SLC25A3: variants seen among roughly 807,000 people sequenced by gnomAD.
SLC25A3 encodes phosphate transport protein.
Under a neutral mutation model 37.1 loss-of-function variants are expected in SLC25A3, and 14 were observed. That is an observed-to-expected ratio of 0.38 (90% CI 0.25 to 0.59). The LOEUF is 0.59. Ranked by LOEUF, SLC25A3 falls within the 20% of genes least tolerant of loss-of-function variation. The pLI, the probability that SLC25A3 is intolerant of heterozygous loss-of-function variation, is 0.67. For missense variants in SLC25A3, 385 were observed against 458.1 expected (o/e 0.84, Z 1.46); for synonymous variants, 161 against 168.7 (o/e 0.95, Z 0.36).
At position 98,595,866 on chromosome 12, in the gene SLC25A3, A is replaced by C. The variant is rs759149460; in HGVS notation, c.279+18A>C. ...GTATGCAGGTTTGTATTGAGATGAC[A>C]ACATTGAAAGTATCTCTCATGTGAC... On this transcript the variant is annotated intron_variant, in intron 3 of 7. Coordinates refer to ENST00000552981, the MANE Select transcript of SLC25A3 (RefSeq NM_002635.4). 1.2e-6 allele frequency: 2 copies of C among 1,605,422 alleles called. No homozygotes were observed. Among genetic ancestry groups the C allele is most frequent in the East Asian group, 4.5e-5 (2 of 44,814 alleles).
rs147351479 is a variant in SLC25A3, at chr12:98,598,664, A to T, written c.602A>T (p.Asp201Val). The change falls in exon 5 of 8, where the codon GAT becomes GTT. Residue 201 changes from aspartate to valine, a missense_variant. This residue lies in a region of SLC25A3 where 276 missense variants were observed against 367.6 expected (regional missense o/e 0.75). Transcript: ENST00000552981. ...CCAGGTTATGCCAACACTTTGAGGG[A>T]TGCAGCTCCCAAAATGTATAAGGAA... ...TQPGYANTLR[D>V]AAPKMYKEEG... 7.4e-6 allele frequency: 12 copies of T among 1,613,968 alleles called. No individual in the cohort carries two copies. In the African/African-American group the frequency reaches 1.6e-4, roughly 22 times the overall value.
At chr12:98,598,417 T>C (rs2097594851) in intron 4 of SLC25A3, 105 bp from the exon 5 acceptor site, 1 of 1,569,178 alleles carries the variant, frequency 6.4e-7, no homozygotes, top group African/African-American at 1.3e-5. Flanking sequence ...CATCGTGTGT[T>C]ACTTTATAAA....
Position 98,604,263 on chromosome 12 carries a change from A to ATATATATATATATATAT in SLC25A3, c.*2735_*2736insTATATATATATATATAT, listed in dbSNP as rs1555209327. 7.4e-6 allele frequency: 1 copy of ATATATATATATATATAT among 134,592 alleles called. No individual in the cohort carries two copies. Among genetic ancestry groups the ATATATATATATATATAT allele is most frequent in the African/African-American group, 2.9e-5 (1 of 34,844 alleles). The allele number at this position is 134,592 out of a possible 1,614,324, so 8.3% of individuals were successfully genotyped here. A position where few individuals can be genotyped will look rare whatever the true frequency, so the allele number is the denominator to read the frequency against. ...GCGAAACTCTGTCTCAAAAAAAAAAAATATATATATATATATATATATATG... is the reference window on the plus strand; with the variant it reads ...GCGAAACTCTGTCTCAAAAAAAAAAATATATATATATATATATATATATATATATATATATATATATG... On this transcript the variant is annotated 3_prime_UTR_variant, in exon 8 of 8. Transcript: ENST00000552981.
In SLC25A3 at chr12:98,601,451, G is replaced by C; in HGVS notation, c.1009G>C (p.Val337Leu). ...LQWFIYDSVK[V>L]YFRLPRPPPP... is the part of the protein sequence containing the mutation. Reference sequence around the variant, plus strand: ...GTGGTTTATCTATGACTCCGTGAAGGTCTACTTCAGACTTCCTCGCCCTCC... The same window carrying C: ...GTGGTTTATCTATGACTCCGTGAAGCTCTACTTCAGACTTCCTCGCCCTCC... The change falls in exon 8 of 8, where the codon GTC becomes CTC. Residue 337 changes from valine to leucine, a missense_variant. Val to Leu is a conservative substitution (Grantham distance 32). Around this residue, in one of 2 missense-constraint regions of SLC25A3, gnomAD observed 276 missense variants for 367.6 expected, o/e 0.75. Transcript: ENST00000552981. The C allele has an allele frequency of 6.2e-7, 1 of 1,614,062 alleles. No individual in the cohort carries two copies. Among genetic ancestry groups the C allele is most frequent in the Non-Finnish European group, 8.5e-7 (1 of 1,179,948 alleles).
In SLC25A3 at chr12:98,601,272, G is replaced by C; in HGVS notation, c.916G>C (p.Gly306Arg). ...SSASLVLKRL[G>R]FKGVWKGLFA... ...TGCTTCTCTGGTCCTCAAGAGACTT[G>C]GATTTAAAGGTAGGATGATGTTTTT... Residue 306 changes from glycine (G) to arginine (R), a missense_variant, in exon 7 of 8, where the codon GGA becomes CGA. Transcript: ENST00000552981. 6.2e-7 allele frequency: 1 copy of C among 1,613,948 alleles called. No homozygotes were observed. Among genetic ancestry groups the C allele is most frequent in the Non-Finnish European group, 8.5e-7 (1 of 1,179,928 alleles).
intron 5 of SLC25A3, chr12:98,599,683 C>T (rs1827721250): frequency 1.6e-6 from 1 of 617,094 alleles, no homozygotes; most frequent in South Asian, 1.4e-5. Flanking sequence ...GAACTGAGTT[C>T]CACTTGTAAA....
rs767952308 is a variant in SLC25A3 at position 98,601,155 on chromosome 12, C to T, written c.815-16C>T. 1 of 1,611,314 alleles carries T rather than the reference C, an allele frequency of 6.2e-7. No homozygotes were observed. The highest frequency in any genetic ancestry group is 1.1e-5 in the South Asian group (1 of 90,860). Reference sequence around the variant, plus strand: ...TTTTTAACTGGCACTGTATGGGATCCTTTATCTTTTTTCAGCTGGAGTCTT... The same window carrying T: ...TTTTTAACTGGCACTGTATGGGATCTTTTATCTTTTTTCAGCTGGAGTCTT... On this transcript the variant is annotated splice_polypyrimidine_tract_variant and intron_variant, in intron 6 of 7. Transcript: ENST00000552981.
intron 5 of SLC25A3, 68 bp downstream of exon 5, chr12:98,598,771 T>TTTG (rs1321756332): frequency 7.0e-7 from 1 of 1,426,528 alleles, no homozygotes; most frequent in African/African-American, 1.5e-5. Flanking sequence ...TTTTTTTTGT[T>TTTG]TTTTTTTTTG....
intron 3 of SLC25A3, 71 bp from the exon 4 acceptor site, chr12:98,597,782 AAAT>A (rs2097594222): frequency 2.5e-6 from 4 of 1,577,774 alleles, no homozygotes; most frequent in Non-Finnish European, 3.4e-6. Flanking sequence ...ACCCAAACAA[AAAT>A]AATCATGAGA....
At chr12:98,596,333 A>G (rs910046695) in intron 3 of SLC25A3, among the ~76,000 whole-genome samples, 1 of 152,242 alleles carries the variant, frequency 6.6e-6, no homozygotes, top group Non-Finnish European at 1.5e-5. Flanking sequence ...TAATTTGAAT[A>G]TATTTTAATT....
rs1428113405 is a variant in SLC25A3, at chr12:98,598,719, A to C, written c.641+16A>C. The C allele has an allele frequency of 2.5e-6, 4 of 1,605,332 alleles. No individual in the cohort carries two copies. The highest frequency in any genetic ancestry group is 1.1e-5 in the South Asian group (1 of 90,754). On this transcript the variant is annotated intron_variant, in intron 5 of 7. Transcript: ENST00000552981. Reference sequence around the variant, plus strand: ...GCCTAAAAGCGTAAGTAAACACTTAAAAATTTATACTATGAAAGTACTTAT... The same window carrying C: ...GCCTAAAAGCGTAAGTAAACACTTACAAATTTATACTATGAAAGTACTTAT...
rs186503219 is a variant in SLC25A3 at position 98,600,631 on chromosome 12, C to T, written c.814+504C>T. 1.1e-4 allele frequency among the ~76,000 whole-genome samples: 16 copies of T among 152,228 alleles called. No homozygotes were observed. The East Asian group carries it at 2.5e-3, about 24-fold the overall frequency. Reference sequence around the variant, plus strand: ...TTCACTATGTTGGCCAGGCTGGTCTCAAACTCCTGGCCCCAGGTGATCTGC... The same window carrying T: ...TTCACTATGTTGGCCAGGCTGGTCTTAAACTCCTGGCCCCAGGTGATCTGC... On this transcript the variant is annotated intron_variant, in intron 6 of 7. Transcript: ENST00000552981.
chr12:98,598,737 G>T, intron 5 of SLC25A3, 34 bp downstream of exon 5: 1 of 1,542,268 alleles, frequency 6.5e-7, no homozygotes, highest in Non-Finnish European at 8.9e-7. Flanking sequence ...TACTATGAAA[G>T]TACTTATTTT....
intron 3 of SLC25A3, among the ~76,000 whole-genome samples, chr12:98,597,049 A>T (rs1005309706): frequency 1.3e-5 from 2 of 152,166 alleles, no homozygotes; most frequent in Non-Finnish European, 2.9e-5. Context: ...AAAAAGTAGT[A>T]GGAGTTGGGT....
At chr12:98,595,403 T>TA (rs1565829180) in intron 2 of SLC25A3, 2 of 1,611,134 alleles carry the variant, frequency 1.2e-6, no homozygotes, top group East Asian at 2.2e-5. Flanking sequence ...AAGAAATACT[T>TA]ACTTGATTTT....
chr12:98,594,895 T>C (rs2153283003), intron 2 of SLC25A3: 1 of 183,300 alleles, frequency 5.5e-6, no homozygotes, highest in South Asian at 1.0e-4. Context: ...TCTGTTGTCT[T>C]TAGTATGGAT....
Position 98,594,057 on chromosome 12 carries a change from G to A in SLC25A3, c.79G>A (p.Gly27Arg), listed in dbSNP as rs573155106. Reference sequence around the variant, plus strand: ...TCTGCAGCTGGTGCACGATGGTCTCGGGGACCTCCGCAGCAGCTCCCCAGG... The same window carrying A: ...TCTGCAGCTGGTGCACGATGGTCTCAGGGACCTCCGCAGCAGCTCCCCAGG... Reference protein sequence around the residue: ...PHLQLVHDGLGDLRSSSPGPT... With the variant: ...PHLQLVHDGLRDLRSSSPGPT... Residue 27 changes from glycine (G) to arginine (R), a missense_variant, in exon 2 of 8, where the codon GGG (glycine) becomes AGG (arginine). Gly to Arg is a moderately radical substitution (Grantham distance 125, BLOSUM62 -2). This residue lies in a region of SLC25A3 where 109 missense variants were observed against 90.5 expected (regional missense o/e 1.20). Transcript: ENST00000552981. 6.2e-7 allele frequency: 1 copy of A among 1,613,150 alleles called. No homozygotes were observed. The highest frequency in any genetic ancestry group is 1.3e-5 in the African/African-American group (1 of 75,036).
Position 98,593,714 on chromosome 12 carries a change from G to A in SLC25A3, c.-31G>A. ...TGTGAGCCGCAACCTTTCCAAGGGA[G>A]TGGTTGTGTGATCGCCATCTTAGGG... On this transcript the variant is annotated 5_prime_UTR_variant, in exon 1 of 8. The change creates a new upstream start codon in the 5' untranslated region. Transcript: ENST00000552981. 1 of 566,160 alleles carries A rather than the reference G, an allele frequency of 1.8e-6. No individual in the cohort carries two copies. The highest frequency in any genetic ancestry group is 3.2e-6 in the Non-Finnish European group (1 of 315,300). 35.1% of individuals were successfully genotyped at this position (566,160 alleles called of 1,614,324 possible).
chr12:98,599,665 T>C, intron 5 of SLC25A3: 3 of 590,100 alleles, frequency 5.1e-6, no homozygotes, highest in South Asian at 1.4e-5. Context: ...CCTTTGTGGA[T>C]GAATCTTGAA....
Sources: allele counts gnomAD v4.1 joint callset (sites outside exome capture counted in the v4.1 genomes callset), GRCh38; gene constraint gnomAD v4.1.1; regional missense constraint gnomAD v4.1.1; transcripts MANE v1.5; gene names NCBI Gene and HGNC (gene_info 2026-07-23, HGNC 2026-07-21).